The following MYH2 variants were observed in gnomAD, a reference collection of about 807,000 sequenced individuals.
MYH2 encodes the protein myosin-2.
In MYH2, 139 loss-of-function variants were observed where a neutral mutation model predicts 228.1. That is an observed-to-expected ratio of 0.61 (90% CI 0.53 to 0.70). The LOEUF (loss-of-function observed/expected upper bound fraction) is 0.70. MYH2 is among the 30% of genes least tolerant of loss of function. The pLI is 0.00. For synonymous variants in MYH2, 796 were observed against 871.1 expected, an observed-to-expected ratio of 0.91 and a Z score of 1.52; for missense variants, 1,809 against 2,357.5, an observed-to-expected ratio of 0.77 and a Z score of 4.82.
At chr17:10,540,798 C>T (rs2073542813) in intron 10 of MYH2, 101 bp from the exon 11 acceptor site, 1 of 995,984 alleles carries the variant, frequency 1.0e-6, no homozygotes, top group East Asian at 2.6e-5. Context: ...TGTGGGAACT[C>T]AGGGACCCCA....
rs746906633 is a variant in MYH2, at chr17:10,526,811, C to G, written c.3991-16G>C. 1.5e-5 allele frequency: 24 copies of G among 1,614,150 alleles called. No homozygotes were observed. The highest frequency in any genetic ancestry group is 2.0e-5 in the Non-Finnish European group (24 of 1,180,054). On this transcript the variant is annotated splice_polypyrimidine_tract_variant and intron_variant, in intron 29 of 39. Transcript: ENST00000245503. ...CGTTCTTGGCCTATGGAGGCAGTTACACCTTCATTTTACTGGATATTTAAA... is the reference window on the plus strand; with the variant it reads ...CGTTCTTGGCCTATGGAGGCAGTTAGACCTTCATTTTACTGGATATTTAAA...
rs147439455 is a variant in MYH2 at position 10,528,751 on chromosome 17, C to T, written c.3683G>A (p.Ser1228Asn). The T allele has an allele frequency of 1.6e-4, 253 of 1,613,990 alleles. No individual in the cohort carries two copies. Among genetic ancestry groups the T allele is most frequent in the Non-Finnish European group, 2.1e-4 (242 of 1,179,972 alleles). The change falls in exon 27 of 40, where the codon AGT (serine) becomes AAT (asparagine). Residue 1228 changes from serine to asparagine, a missense_variant. Transcript: ENST00000245503. ...RVKQKLEKEK[S>N]EMKMEIDDLA... ...GTCATCAATCTCCATCTTCATCTCA[C>T]TCTTCTCCTTCTCCAGCTTCTGCTT...
At chr17:10,536,644 T>G in intron 16 of MYH2, 38 bp from the exon 17 acceptor site, 1 of 1,580,104 alleles carries the variant, frequency 6.3e-7, no homozygotes, top group East Asian at 2.2e-5. Flanking sequence ...TGTTTTGAAT[T>G]GGCAGGGCTA....
At chr17:10,532,889 C>G (rs2073441042) in intron 21 of MYH2, among the ~76,000 whole-genome samples, 1 of 152,124 alleles carries the variant, frequency 6.6e-6, no homozygotes, top group Non-Finnish European at 1.5e-5. Flanking sequence ...TATAAATGAT[C>G]AGAGGGAAAA....
At position 10,525,883 on chromosome 17, in the gene MYH2, T is replaced by C; in HGVS notation, c.4188-7A>G. On this transcript the variant is annotated splice_polypyrimidine_tract_variant and splice_region_variant and intron_variant, in intron 30 of 39. Transcript: ENST00000245503. The surrounding 1 kb of genome is among the most constrained non-coding windows in gnomAD (Gnocchi z 4.2). ...CCGCTGGGCCAGCTTCTTCCTTGAA[T>C]ATTATACATGTTTTCAGAGAGAAGT... The C allele has an allele frequency of 6.2e-7, 1 of 1,613,914 alleles. No individual in the cohort carries two copies.
chr17:10,522,448 C>T (rs1417929774), intron 39 of MYH2, among the ~76,000 whole-genome samples: 2 of 151,822 alleles, frequency 1.3e-5, no homozygotes, highest in East Asian at 1.9e-4. Context: ...TATTAATTCC[C>T]CAGAAGTTAC....
At chr17:10,528,130 G>A (rs530665172) in intron 27 of MYH2, among the ~76,000 whole-genome samples, 139 of 144,000 alleles carry the variant, frequency 9.7e-4, no homozygotes, top group African/African-American at 3.3e-3. Context: ...TGCAACCTCC[G>A]CCTCCCGGGT....
intron 3 of MYH2, 27 bp from the exon 4 acceptor site, chr17:10,547,645 A>T: frequency 6.2e-7 from 1 of 1,614,222 alleles, no homozygotes; most frequent in East Asian, 2.2e-5. Flanking sequence ...ATAACCGTTT[A>T]CATTAATTGA....
In MYH2 at chr17:10,524,664, G is replaced by A. The variant is rs775563015; in HGVS notation, c.4977C>T (p.Thr1659=). 3 of 1,614,206 alleles carry A rather than the reference G, an allele frequency of 1.9e-6. No individual in the cohort carries two copies. The highest frequency in any genetic ancestry group is 3.3e-5 in the Admixed American group (2 of 60,030). ...GGAGAGCATCATCCAGGTGGATCTG[G>A]GTATCCTGTGAAACAAACCATCATT... ...YRNTQGILKD[T]QIHLDDALRS... The change falls in exon 35 of 40, where the codon ACC becomes ACT. Residue 1659 remains threonine, a synonymous_variant. Coordinates refer to ENST00000245503, the MANE Select transcript of MYH2 (RefSeq NM_017534.6). The surrounding 1 kb of genome is among the most constrained non-coding windows in gnomAD (Gnocchi z 4.7).
Position 10,524,557 on chromosome 17 carries a change from C to T in MYH2, c.5084G>A (p.Arg1695Gln), listed in dbSNP as rs528532960. The T allele has an allele frequency of 4.5e-5, 72 of 1,614,206 alleles. No homozygotes were observed. The highest frequency in any genetic ancestry group is 6.7e-5 in the Admixed American group (4 of 60,026). ...NLLQAEIEELRATLEQTERSR... is the reference protein window; with the variant it reads ...NLLQAEIEELQATLEQTERSR... The stretch of plus-strand genomic sequence containing the variant: ...CCTCTCTGTCTGTTCCAGAGTGGCC[C>T]GCAGCTCCTCGATCTCAGCCTGCAG... The change falls in exon 35 of 40, where the codon CGG (arginine) becomes CAG (glutamine). Residue 1695 changes from arginine to glutamine, a missense_variant. Transcript: ENST00000245503. This position sits in a 1 kb window ranked among gnomAD's most constrained non-coding sequence, Gnocchi z 4.7.
At position 10,526,714 on chromosome 17, in the gene MYH2, C is replaced by T. The variant is rs1263474588; in HGVS notation, c.4072G>A (p.Glu1358Lys). The T allele has an allele frequency of 6.2e-7, 1 of 1,614,080 alleles. No homozygotes were observed. Among genetic ancestry groups the T allele is most frequent in the Non-Finnish European group, 8.5e-7 (1 of 1,180,012 alleles). Reference sequence around the variant, plus strand: ...GCTCTCTGCAGCTCGGCCTTGGATTCCTGCTCCTCCTCATACTGTTCCCGC... The same window carrying T: ...GCTCTCTGCAGCTCGGCCTTGGATTTCTGCTCCTCCTCATACTGTTCCCGC... ...LLREQYEEEQ[E>K]SKAELQRALS... Residue 1358 changes from glutamate to lysine, a missense_variant, in exon 30 of 40, where the codon GAA becomes AAA. Glu to Lys is a moderately conservative substitution (Grantham distance 56). Around this residue, in one of 9 missense-constraint regions of MYH2, gnomAD observed 636 missense variants for 729.9 expected, o/e 0.87. Coordinates refer to ENST00000245503, the MANE Select transcript of MYH2 (RefSeq NM_017534.6).
chr17:10,525,715 T>C lies in MYH2; in HGVS notation c.4349A>G (p.Lys1450Arg). The C allele has an allele frequency of 6.2e-7, 1 of 1,614,206 alleles. No individual in the cohort carries two copies. Among genetic ancestry groups the C allele is most frequent in the Non-Finnish European group, 8.5e-7 (1 of 1,180,042 alleles). The change falls in exon 31 of 40, where the codon AAA becomes AGA. Residue 1450 changes from lysine to arginine, a missense_variant. Lys to Arg is a conservative substitution (Grantham distance 26). Around this residue, in one of 9 missense-constraint regions of MYH2, gnomAD observed 636 missense variants for 729.9 expected, o/e 0.87. Transcript: ENST00000245503. The surrounding 1 kb of genome is among the most constrained non-coding windows in gnomAD (Gnocchi z 4.2). ...TACCTTATCGAAGTTCCTTTGCTTT[T>C]TGTCAAGGGCGGCACAGGCGGCATT... ...RTNAACAALDKKQRNFDKILA... is the reference protein window; with the variant it reads ...RTNAACAALDRKQRNFDKILA...
At position 10,534,949 on chromosome 17, in the gene MYH2, AT is replaced by A. The variant is rs1414106740; in HGVS notation, c.2180+123del. On this transcript the variant is annotated intron_variant, in intron 19 of 39. Coordinates refer to ENST00000245503, the MANE Select transcript of MYH2 (RefSeq NM_017534.6). ...AAGTGTTCGAGACTTGAGACTTGTA[AT>A]TTTTTTACTTCTTTTTGTGACAAAA... is the stretch of plus-strand genomic sequence containing the variant. 27 of 1,243,378 alleles carry A rather than the reference AT, an allele frequency of 2.2e-5. No homozygotes were observed. The East Asian group carries it at 5.4e-4, about 25-fold the overall frequency. The allele number at this position is 1,243,378 out of a possible 1,614,324, so 77.0% of individuals were successfully genotyped here. A position where few individuals can be genotyped will look rare whatever the true frequency, so the allele number is the denominator to read the frequency against.
chr17:10,540,112 G>T, intron 11 of MYH2, 46 bp from the exon 12 acceptor site: 1 of 1,611,646 alleles, frequency 6.2e-7, no homozygotes, highest in South Asian at 1.1e-5. Context: ...TGATCCACAC[G>T]CTTACTGTTA....
At position 10,523,369 on chromosome 17, in the gene MYH2, T is replaced by C. The variant is rs759241457; in HGVS notation, c.5516A>G (p.Asn1839Ser). Residue 1839 changes from asparagine (N) to serine (S), a missense_variant, in exon 38 of 40, where the codon AAT (asparagine) becomes AGT (serine). Around this residue, in one of 9 missense-constraint regions of MYH2, gnomAD observed 278 missense variants for 308.5 expected, o/e 0.90. Transcript: ENST00000245503. ...EGEVESEQKR[N>S]AEAVKGLRKH... ...GCGCAGACCTTTGACAGCCTCAGCA[T>C]TACGCTTTTGCTCACTCTCAACCTC... The C allele has an allele frequency of 6.2e-7, 1 of 1,614,218 alleles. No homozygotes were observed. The highest frequency in any genetic ancestry group is 8.5e-7 in the Non-Finnish European group (1 of 1,180,042).
In MYH2 at chr17:10,540,851, G is replaced by T. The variant is rs11652345; in HGVS notation, c.905-154C>A. ...AAGCCATGGTGGAAGAACATAAGTT[G>T]TGAAGATTTCATGGACATTTATTAG... On this transcript the variant is annotated intron_variant, in intron 10 of 39. Coordinates refer to ENST00000245503, the MANE Select transcript of MYH2 (RefSeq NM_017534.6). Among the ~76,000 whole-genome samples, 60,668 of 152,116 alleles carry T rather than the reference G, an allele frequency of 0.4. 14,181 individuals are homozygous for T. The highest frequency in any genetic ancestry group is 0.54 in the Non-Finnish European group (36,684 of 67,980).
rs987943890 is a variant in MYH2, at chr17:10,528,009, T to G, written c.3745-135A>C. On this transcript the variant is annotated intron_variant, in intron 27 of 39. Coordinates refer to ENST00000245503, the MANE Select transcript of MYH2 (RefSeq NM_017534.6). ...AATATAGAAAAGAAACCAAATTATC[T>G]TATATGTAATGTAATGCAGAAAAAT... 4.1e-4 allele frequency: 445 copies of G among 1,087,732 alleles called. 2 individuals carry two copies. Among genetic ancestry groups the G allele is most frequent in the Admixed American group, 7.7e-4 (30 of 39,018 alleles). The allele number at this position is 1,087,732 out of a possible 1,614,324, so 67.4% of individuals were successfully genotyped here.
At chr17:10,542,319 G>A (rs2073567030) in intron 10 of MYH2, among the ~76,000 whole-genome samples, 1 of 151,128 alleles carries the variant, frequency 6.6e-6, no homozygotes, top group Admixed American at 6.6e-5. Context: ...ATCCAAAGAG[G>A]ATAATCACAT....
intron 28 of MYH2, 118 bp from the exon 29 acceptor site, chr17:10,527,174 CT>C: frequency 1.2e-6 from 1 of 867,102 alleles, no homozygotes; most frequent in Non-Finnish European, 1.9e-6. Context: ...TGGTTGAATT[CT>C]ATACTGACAT....
Sources: allele counts gnomAD v4.1 joint callset (sites outside exome capture counted in the v4.1 genomes callset), GRCh38; gene constraint gnomAD v4.1.1; regional missense constraint gnomAD v4.1.1; non-coding constraint Gnocchi (gnomAD v3.1); transcripts MANE v1.5; gene names NCBI Gene and HGNC (gene_info 2026-07-23, HGNC 2026-07-21).